CDKAL1: variants seen among roughly 807,000 people sequenced by gnomAD.
The protein encoded by CDKAL1 is threonylcarbamoyladenosine tRNA methylthiotransferase.
Under a neutral mutation model 68.2 loss-of-function variants are expected in CDKAL1, and 32 were observed. That is an observed-to-expected ratio of 0.47 (90% CI 0.35 to 0.63). The LOEUF (loss-of-function observed/expected upper bound fraction) is 0.63. Ranked by LOEUF, CDKAL1 falls within the 30% of genes least tolerant of loss-of-function variation. The pLI is 0.00. For missense variants in CDKAL1, 606 were observed against 696.7 expected (o/e 0.87, Z 1.47); for synonymous variants, 234 against 244.3 (o/e 0.96, Z 0.39).
chr6:20,715,005 G>C (rs1036783407), intron 5 of CDKAL1, among the ~76,000 whole-genome samples: 1 of 152,100 alleles, frequency 6.6e-6, no homozygotes, highest in Admixed American at 6.5e-5. Context: ...TATTATTATA[G>C]TGGAACAAAT....
intron 8 of CDKAL1, among the ~76,000 whole-genome samples, chr6:20,842,590 G>A (rs991747941): frequency 6.6e-6 from 1 of 152,192 alleles, no homozygotes; most frequent in Non-Finnish European, 1.5e-5. Context: ...CCAGCACTTT[G>A]GGAGGCCAAG....
intron 6 of CDKAL1, among the ~76,000 whole-genome samples, chr6:20,740,178 C>A (rs57498505): frequency 0.065 from 9,944 of 152,188 alleles, 418 homozygotes; most frequent in African/African-American, 0.12. Context: ...TAGCCTCATG[C>A]GAATAGTTTT....
chr6:21,152,451 C>T (rs1776455606), intron 13 of CDKAL1, among the ~76,000 whole-genome samples: 1 of 152,226 alleles, frequency 6.6e-6, no homozygotes. Context: ...AGTTCCTTCT[C>T]TAAAGCAGCT....
At chr6:20,876,075 T>G (rs940746658) in intron 9 of CDKAL1, among the ~76,000 whole-genome samples, 3 of 152,326 alleles carry the variant, frequency 2.0e-5, no homozygotes, top group East Asian at 1.9e-4. Flanking sequence ...TTTCTGAAAA[T>G]GTAAATAAAT....
intron 7 of CDKAL1, among the ~76,000 whole-genome samples, chr6:20,770,857 T>C (rs1020535222): frequency 6.6e-6 from 1 of 152,192 alleles, no homozygotes; most frequent in Non-Finnish European, 1.5e-5. Flanking sequence ...TAATCATGTA[T>C]ATAATTTGTA....
rs139345045 is a variant in CDKAL1 at position 20,628,026 on chromosome 6, A to T, written c.287-21267A>T. Among the ~76,000 whole-genome samples, 69 of 152,286 alleles carry T rather than the reference A, an allele frequency of 4.5e-4. No homozygotes were observed. The East Asian group carries it at 9.8e-3, about 22-fold the overall frequency. ...CTTGGGATTTTCTAGATAGACAATC[A>T]TATTATCTGTGAAAAGAGACAGTTT... On this transcript the variant is annotated intron_variant, in intron 4 of 15. Coordinates refer to ENST00000274695, the MANE Select transcript of CDKAL1 (RefSeq NM_017774.3).
At chr6:20,731,419 G>A (rs1310004867) in intron 5 of CDKAL1, among the ~76,000 whole-genome samples, 1 of 152,156 alleles carries the variant, frequency 6.6e-6, no homozygotes, top group East Asian at 1.9e-4. Context: ...GTTGAAACAT[G>A]GTATATTTCT....
At chr6:20,876,844 A>G (rs551124190) in intron 9 of CDKAL1, among the ~76,000 whole-genome samples, 1 of 152,204 alleles carries the variant, frequency 6.6e-6, no homozygotes, top group Non-Finnish European at 1.5e-5. Context: ...CCTTTATGAT[A>G]TACACACACA....
chr6:20,964,619 G>T (rs528237276), intron 10 of CDKAL1, among the ~76,000 whole-genome samples: 1 of 152,118 alleles, frequency 6.6e-6, no homozygotes, highest in Admixed American at 6.6e-5. Context: ...GACACATGGC[G>T]GGGAACAACA....
chr6:20,612,866 G>T (rs1213771108), intron 4 of CDKAL1, among the ~76,000 whole-genome samples: 1 of 151,760 alleles, frequency 6.6e-6, no homozygotes, highest in Non-Finnish European at 1.5e-5. Context: ...TTTTTGAATG[G>T]ATAATTTGTT....
intron 13 of CDKAL1, among the ~76,000 whole-genome samples, chr6:21,185,838 C>T (rs897254681): frequency 6.6e-6 from 1 of 152,070 alleles, no homozygotes; most frequent in Admixed American, 6.5e-5. Context: ...TTTTTTAGGT[C>T]ATCATTGACA....
At chr6:20,758,566 C>T in intron 6 of CDKAL1, 29 bp from the exon 7 acceptor site, 2 of 1,584,590 alleles carry the variant, frequency 1.3e-6, no homozygotes, top group Non-Finnish European at 8.6e-7. Context: ...GTGTAAATTA[C>T]TTGTGTAATC....
intron 13 of CDKAL1, chr6:21,135,716 G>A: frequency 1.0e-6 from 1 of 984,534 alleles, no homozygotes; most frequent in Non-Finnish European, 1.2e-6. Flanking sequence ...AGGACTGAAA[G>A]GGAAGGTATT....
chr6:20,616,035 G>A (rs201938245), intron 4 of CDKAL1, among the ~76,000 whole-genome samples: 38,116 of 144,642 alleles, frequency 0.26, 4,965 homozygotes, highest in East Asian at 0.49. Context: ...TATTAAATAG[G>A]GAATCCTTTC....
chr6:20,649,626 C>T (rs574914317), intron 5 of CDKAL1, among the ~76,000 whole-genome samples: 1 of 152,162 alleles, frequency 6.6e-6, no homozygotes, highest in South Asian at 2.1e-4. Flanking sequence ...GTTACATAGG[C>T]AAACATGTGC....
chr6:20,956,599 C>T (rs925649183), intron 10 of CDKAL1, among the ~76,000 whole-genome samples: 4 of 151,930 alleles, frequency 2.6e-5, no homozygotes, highest in Non-Finnish European at 4.4e-5. Flanking sequence ...AAAATAACAT[C>T]CCAAAAAGCT....
At chr6:21,033,948 T>G (rs1769433205) in intron 11 of CDKAL1, among the ~76,000 whole-genome samples, 1 of 151,472 alleles carries the variant, frequency 6.6e-6, no homozygotes, top group Non-Finnish European at 1.5e-5. Context: ...TTACAGAGGG[T>G]TTACCAGGAA....
chr6:21,139,125 A>G (rs1378388626), intron 13 of CDKAL1, among the ~76,000 whole-genome samples: 1 of 152,248 alleles, frequency 6.6e-6, no homozygotes, highest in East Asian at 1.9e-4. Flanking sequence ...GTTGATTCTC[A>G]TGTGTTAGTG....
intron 9 of CDKAL1, among the ~76,000 whole-genome samples, chr6:20,872,352 T>C (rs546628409): frequency 1.3e-5 from 2 of 152,304 alleles, no homozygotes; most frequent in Admixed American, 1.3e-4. Flanking sequence ...AAAATTATAC[T>C]CAGAACTAAG....
Sources: allele counts gnomAD v4.1 joint callset (sites outside exome capture counted in the v4.1 genomes callset), GRCh38; gene constraint gnomAD v4.1.1; transcripts MANE v1.5; gene names NCBI Gene and HGNC (gene_info 2026-07-23, HGNC 2026-07-21).